SCAPER: variants seen among roughly 807,000 people sequenced by gnomAD.
SCAPER encodes the protein S-phase cyclin A associated protein in the ER.
Under a neutral mutation model 182.2 loss-of-function variants are expected in SCAPER, and 98 were observed. The ratio of observed to expected loss-of-function variants is 0.54; its 90% confidence interval spans 0.46 to 0.64. The LOEUF (loss-of-function observed/expected upper bound fraction) is 0.64. SCAPER is among the 30% of genes least tolerant of loss of function. The probability of loss-of-function intolerance (pLI) is 0.00; values close to 1 mark genes in which losing one functional copy is unlikely to be tolerated. For missense variants in SCAPER, 1,432 were observed against 1,690.0 expected, an observed-to-expected ratio of 0.85 and a Z score of 2.68; for synonymous variants, 605 against 564.6, an observed-to-expected ratio of 1.07 and a Z score of -1.01.
chr15:76,437,993 GA>G (rs2142599880), intron 25 of SCAPER, among the ~76,000 whole-genome samples: 1 of 152,086 alleles, frequency 6.6e-6, no homozygotes, highest in South Asian at 2.1e-4. Flanking sequence ...ATATAAAAAA[GA>G]AAAATGGGCC....
Position 76,873,319 on chromosome 15 carries a change from AAGGAAGGAAGGAAGGCAGGCAGGC to A in SCAPER, c.6+10469_6+10492del, listed in dbSNP as rs1274366846. Among the ~76,000 whole-genome samples, 313 of 127,616 alleles carry A rather than the reference AAGGAAGGAAGGAAGGCAGGCAGGC, an allele frequency of 2.5e-3. 1 individual carries two copies. The highest frequency in any genetic ancestry group is 6.0e-3 in the African/African-American group (197 of 32,986). The allele number at this position is 127,616 out of a possible 152,430, so 83.7% of individuals were successfully genotyped here. On this transcript the variant is annotated intron_variant, in intron 2 of 31. Transcript: ENST00000563290. ...GAAGGAAGGAAGGAAGGAAGGAAGG[AAGGAAGGAAGGAAGGCAGGCAGGC>A]AGGCAGGCAGGCAGGCAGGCAGGCA... is the stretch of plus-strand genomic sequence containing the variant.
intron 18 of SCAPER, among the ~76,000 whole-genome samples, chr15:76,703,678 A>T (rs2059088451): frequency 1.3e-5 from 2 of 152,134 alleles, no homozygotes; most frequent in South Asian, 4.1e-4. Context: ...CTGACCTCTG[A>T]CACTCCTCAT....
At chr15:76,734,284 A>C (rs574042517) in intron 15 of SCAPER, among the ~76,000 whole-genome samples, 4 of 152,294 alleles carry the variant, frequency 2.6e-5, no homozygotes, top group Admixed American at 6.5e-5. Context: ...AAGCTCAAAA[A>C]TCAGGTAGGA....
intron 20 of SCAPER, among the ~76,000 whole-genome samples, chr15:76,689,773 C>T (rs79893993): frequency 6.6e-6 from 1 of 150,834 alleles, no homozygotes; most frequent in Non-Finnish European, 1.5e-5. Context: ...CTGCTGCTTA[C>T]AAGATTATAA....
chr15:76,690,716 A>G (rs1347919835), intron 20 of SCAPER, among the ~76,000 whole-genome samples: 1 of 152,156 alleles, frequency 6.6e-6, no homozygotes, highest in East Asian at 1.9e-4. Context: ...TTTATAAGTA[A>G]GTCTACCAAA....
chr15:76,771,711 A>AAGTT (rs1176858557), intron 10 of SCAPER, 31 bp downstream of exon 10: 70 of 1,525,810 alleles, frequency 4.6e-5, no homozygotes, highest in Non-Finnish European at 6.3e-5. Context: ...GAATTCTGAT[A>AAGTT]AGTTGTTCTT....
At chr15:76,575,849 T>C (rs2047777907) in intron 22 of SCAPER, among the ~76,000 whole-genome samples, 1 of 152,238 alleles carries the variant, frequency 6.6e-6, no homozygotes, top group Non-Finnish European at 1.5e-5. Flanking sequence ...TTTCCTGAAG[T>C]GATAGAAATA....
chr15:76,428,781 GAA>G (rs2046618485), intron 26 of SCAPER, among the ~76,000 whole-genome samples: 1 of 149,014 alleles, frequency 6.7e-6, no homozygotes, highest in Non-Finnish European at 1.5e-5. Context: ...AAAATCCCTA[GAA>G]GAGAGGCTTC....
intron 9 of SCAPER, among the ~76,000 whole-genome samples, chr15:76,773,123 A>G (rs888760857): frequency 3.3e-5 from 5 of 151,908 alleles, no homozygotes; most frequent in African/African-American, 1.2e-4. Context: ...TATTTATATT[A>G]GCATTACTTA....
chr15:76,854,555 A>C (rs1162679452), intron 4 of SCAPER, among the ~76,000 whole-genome samples: 1 of 152,156 alleles, frequency 6.6e-6, no homozygotes, highest in Non-Finnish European at 1.5e-5. Flanking sequence ...TACAGATTCA[A>C]TGCTATTCCC....
chr15:76,904,383 T>C (rs2152638234), intron 1 of SCAPER, among the ~76,000 whole-genome samples: 1 of 152,342 alleles, frequency 6.6e-6, no homozygotes, highest in Non-Finnish European at 1.5e-5. Context: ...TATAAGGAAT[T>C]AGTATCTGTT....
At chr15:76,381,334 T>G in intron 28 of SCAPER, 44 bp downstream of exon 28, 1 of 1,519,230 alleles carries the variant, frequency 6.6e-7, no homozygotes, top group South Asian at 1.2e-5. Context: ...ACTAAAATAC[T>G]AACTCTTGAT....
intron 22 of SCAPER, among the ~76,000 whole-genome samples, chr15:76,605,426 A>G (rs1340142023): frequency 1.3e-5 from 2 of 152,160 alleles, no homozygotes; most frequent in Admixed American, 1.3e-4. Flanking sequence ...TCGGTTTGCC[A>G]GTATTTTATT....
intron 2 of SCAPER, among the ~76,000 whole-genome samples, chr15:76,864,025 C>T (rs1402359191): frequency 6.6e-6 from 1 of 152,092 alleles, no homozygotes; most frequent in African/African-American, 2.4e-5. Flanking sequence ...CCAGCTGAGC[C>T]CCTAGAAAAC....
At chr15:76,608,145 G>A (rs751193751) in intron 22 of SCAPER, among the ~76,000 whole-genome samples, 12 of 152,072 alleles carry the variant, frequency 7.9e-5, no homozygotes, top group African/African-American at 1.2e-4. Context: ...CATCTTTGTG[G>A]TTTTATCTAC....
chr15:76,765,613 G>C lies in SCAPER; in HGVS notation c.1445C>G (p.Ser482Cys). 1 of 1,585,308 alleles carries C rather than the reference G, an allele frequency of 6.3e-7. No homozygotes were observed. The highest frequency in any genetic ancestry group is 8.6e-7 in the Non-Finnish European group (1 of 1,164,590). Reference protein sequence around the residue: ...FSASMGSGSVSFCGMSMDWND... With the variant: ...FSASMGSGSVCFCGMSMDWND... ...CCAGTCCATGGACATACCACAGAAA[G>C]AAACACTCCCACTGCCCATGCTGGC... The change falls in exon 12 of 32, where the codon TCT becomes TGT. Residue 482 changes from serine to cysteine, a missense_variant. Coordinates refer to ENST00000563290, the MANE Select transcript of SCAPER (RefSeq NM_020843.4).
chr15:76,408,424 T>C (rs150102831), intron 26 of SCAPER, among the ~76,000 whole-genome samples: 2,212 of 152,256 alleles, frequency 0.015, 58 homozygotes, highest in African/African-American at 0.049. Flanking sequence ...CAACTTTTGG[T>C]TGTTTTCAAT....
chr15:76,389,136 TAAAAG>T (rs1266642829), intron 27 of SCAPER, among the ~76,000 whole-genome samples: 1 of 151,792 alleles, frequency 6.6e-6, no homozygotes, highest in Non-Finnish European at 1.5e-5. Context: ...GAGCTGAGGG[TAAAAG>T]AAAAGTCAAG....
At chr15:76,502,375 T>G (rs1214704904) in intron 24 of SCAPER, among the ~76,000 whole-genome samples, 1 of 152,084 alleles carries the variant, frequency 6.6e-6, no homozygotes, top group Non-Finnish European at 1.5e-5. Context: ...ATATACACCG[T>G]GGAATACTAT....
Sources: gnomAD v4.1 joint callset for allele counts (sites outside exome capture counted in the v4.1 genomes callset) on GRCh38, gnomAD v4.1.1 for gene constraint, MANE v1.5 for transcripts, NCBI Gene and HGNC (gene_info 2026-07-23, HGNC 2026-07-21) for gene names.